FLRT2: variants seen among roughly 807,000 people sequenced by gnomAD.
FLRT2 encodes leucine-rich repeat transmembrane protein FLRT2.
A neutral mutation model predicts 40.0 loss-of-function variants in FLRT2; 15 were observed. That is an observed-to-expected ratio of 0.38 (90% CI 0.25 to 0.58). The LOEUF (loss-of-function observed/expected upper bound fraction) is 0.58, where lower values mean the gene tolerates loss of function less well. FLRT2 is among the 20% of genes least tolerant of loss of function. The pLI is 0.71. For missense variants in FLRT2, 726 were observed against 840.0 expected (o/e 0.86, Z 1.68); for synonymous variants, 380 against 336.8 (o/e 1.13, Z -1.41).
chr14:85,579,608 GTA>G (rs1891295996), intron 1 of FLRT2, among the ~76,000 whole-genome samples: 2 of 152,034 alleles, frequency 1.3e-5, no homozygotes, highest in Admixed American at 6.6e-5. Context: ...CCAATTTTCC[GTA>G]TCTATAAAAT....
intron 1 of FLRT2, among the ~76,000 whole-genome samples, chr14:85,572,335 T>C (rs927281087): frequency 6.6e-6 from 1 of 152,220 alleles, no homozygotes; most frequent in African/African-American, 2.4e-5. Context: ...TATACCACTT[T>C]GGGCTATTCA....
chr14:85,614,682 G>A (rs890820985), intron 1 of FLRT2, among the ~76,000 whole-genome samples: 1 of 151,430 alleles, frequency 6.6e-6, no homozygotes, highest in African/African-American at 2.5e-5. Context: ...CTGCAGGGGT[G>A]GGGCCCAGAA....
intron 1 of FLRT2, chr14:85,561,374 A>G (rs755167157): frequency 1.3e-5 from 2 of 152,216 alleles, no homozygotes; most frequent in Non-Finnish European, 2.9e-5. Context: ...CCCTGAGATT[A>G]TATCCGCTAG....
At chr14:85,544,300 T>G (rs561877294) in intron 1 of FLRT2, among the ~76,000 whole-genome samples, 1 of 152,302 alleles carries the variant, frequency 6.6e-6, no homozygotes, top group East Asian at 1.9e-4. Flanking sequence ...AGAATAATAA[T>G]TTCGCTTGAT....
At chr14:85,562,131 A>G (rs758817429) in intron 1 of FLRT2, among the ~76,000 whole-genome samples, 6 of 152,240 alleles carry the variant, frequency 3.9e-5, no homozygotes, top group Non-Finnish European at 8.8e-5. Context: ...CTTTAAAGCT[A>G]TGAGTAAAAC....
chr14:85,567,634 C>CTTTTTTTTTTT (rs1566732052), intron 1 of FLRT2, among the ~76,000 whole-genome samples: 1 of 126,108 alleles, frequency 7.9e-6, no homozygotes. Context: ...AAGTGACTTA[C>CTTTTTTTTTTT]ATTTTTTTTT....
In FLRT2 at chr14:85,634,009, G is replaced by A. The variant is rs1254057493; in HGVS notation, c.*10512G>A. ...TGCAATAGTCTACCACCTGTCATGT[G>A]GTTACTTTTTGCAATCGATATCATT... is the stretch of plus-strand genomic sequence containing the variant. On this transcript the variant is annotated 3_prime_UTR_variant, in exon 2 of 2. Coordinates refer to ENST00000330753, the MANE Select transcript of FLRT2 (RefSeq NM_013231.6). The A allele has an allele frequency of 6.6e-6, 1 of 152,038 alleles. No individual in the cohort carries two copies. Among genetic ancestry groups the A allele is most frequent in the Non-Finnish European group, 1.5e-5 (1 of 68,012 alleles). The allele number at this position is 152,038 out of a possible 1,614,324, so 9.4% of individuals were successfully genotyped here.
At chr14:85,617,653 G>A (rs1893193994) in intron 1 of FLRT2, among the ~76,000 whole-genome samples, 1 of 152,154 alleles carries the variant, frequency 6.6e-6, no homozygotes, top group Non-Finnish European at 1.5e-5. Flanking sequence ...TATGGCTTAG[G>A]TGGTTGTAAT....
At chr14:85,610,148 G>A (rs1892796369) in intron 1 of FLRT2, among the ~76,000 whole-genome samples, 1 of 151,894 alleles carries the variant, frequency 6.6e-6, no homozygotes, top group Admixed American at 6.6e-5. Context: ...CAAAGACCTT[G>A]TTTAGTCAAA....
intron 1 of FLRT2, among the ~76,000 whole-genome samples, chr14:85,600,317 G>C (rs565858646): frequency 6.6e-6 from 1 of 152,172 alleles, no homozygotes; most frequent in Admixed American, 6.5e-5. Flanking sequence ...GAAATGCAGG[G>C]CTAAATTTCT....
rs575285104 is a variant in FLRT2, at chr14:85,533,419, GC to G, written c.-377+2890del. 1.5e-4 allele frequency among the ~76,000 whole-genome samples: 23 copies of G among 152,036 alleles called. No homozygotes were observed. The East Asian group carries it at 4.4e-3, about 29-fold the overall frequency. ...AGCACTTGGAGCGAGCCCTGCGCCCGCCCCCGCGCAGCGCCGCACGCCCGGC... is the reference window on the plus strand; with the variant it reads ...AGCACTTGGAGCGAGCCCTGCGCCCGCCCCGCGCAGCGCCGCACGCCCGGC... On this transcript the variant is annotated intron_variant, in intron 1 of 1. Coordinates refer to ENST00000330753, the MANE Select transcript of FLRT2 (RefSeq NM_013231.6).
chr14:85,547,143 A>C (rs1889321021), intron 1 of FLRT2, among the ~76,000 whole-genome samples: 1 of 152,014 alleles, frequency 6.6e-6, no homozygotes, highest in South Asian at 2.1e-4. Context: ...TTAGAGGATC[A>C]AGTCTAAACT....
In FLRT2 at chr14:85,643,731, G is replaced by A. The variant is rs2030687970; in HGVS notation, c.*20234G>A. ...TTAAGGCATTTATTAATGCATTGAT[G>A]AGGACTCTCCTCTTTTAGATAGAGA... is the stretch of plus-strand genomic sequence containing the variant. On this transcript the variant is annotated 3_prime_UTR_variant, in exon 2 of 2. Coordinates refer to ENST00000330753, the MANE Select transcript of FLRT2 (RefSeq NM_013231.6). 6.6e-6 allele frequency: 1 copy of A among 152,108 alleles called. No individual in the cohort carries two copies. Among genetic ancestry groups the A allele is most frequent in the Admixed American group, 6.6e-5 (1 of 15,256 alleles). The allele number at this position is 152,108 out of a possible 1,614,324, so 9.4% of individuals were successfully genotyped here.
At chr14:85,566,073 G>T (rs538819606) in intron 1 of FLRT2, among the ~76,000 whole-genome samples, 1 of 152,218 alleles carries the variant, frequency 6.6e-6, no homozygotes, top group East Asian at 1.9e-4. Context: ...TCTAAGCCAT[G>T]CCAACAAGTA....
chr14:85,618,275 T>G (rs984994782), intron 1 of FLRT2, among the ~76,000 whole-genome samples: 2 of 152,334 alleles, frequency 1.3e-5, no homozygotes, highest in East Asian at 3.9e-4. Context: ...TCTTTTTACA[T>G]ATGAACTTAG....
In FLRT2 at chr14:85,622,199, C is replaced by T; in HGVS notation, c.685C>T (p.Leu229Phe). The T allele has an allele frequency of 6.2e-7, 1 of 1,614,126 alleles. No homozygotes were observed. The highest frequency in any genetic ancestry group is 8.5e-7 in the Non-Finnish European group (1 of 1,180,004). ...TATCGCCGAGGGCACCTTCAGCCAT[C>T]TCACCAAGCTCAAGGAATTTTCAAT... Reference protein sequence around the residue: ...KGIAEGTFSHLTKLKEFSIVR... With the variant: ...KGIAEGTFSHFTKLKEFSIVR... Residue 229 changes from leucine to phenylalanine, a missense_variant, in exon 2 of 2, where the codon CTC becomes TTC. Physicochemically the swap from Leu to Phe is conservative, Grantham distance 22. Transcript: ENST00000330753.
In FLRT2 at chr14:85,546,998, TTC is replaced by T. The variant is rs200691060; in HGVS notation, c.-377+16466_-377+16467del. ...CTAGTCTTAGGCACTTAAAACAAAT[TTC>T]TGTTTTGATTATCCTGGGGTCATTG... On this transcript the variant is annotated intron_variant, in intron 1 of 1. Coordinates refer to ENST00000330753, the MANE Select transcript of FLRT2 (RefSeq NM_013231.6). 4.2e-3 allele frequency among the ~76,000 whole-genome samples: 645 copies of T among 152,278 alleles called. 4 individuals are homozygous for T. Among genetic ancestry groups the T allele is most frequent in the African/African-American group, 0.015 (624 of 41,542 alleles).
Position 85,653,270 on chromosome 14 carries a change from G to A in FLRT2, c.*29773G>A, listed in dbSNP as rs1894476869. ...CCCTGCCCACAAAATAGCTTTGCTA[G>A]GGAACAGATGTAACTTGGAGAAGTA... is the stretch of plus-strand genomic sequence containing the variant. On this transcript the variant is annotated 3_prime_UTR_variant, in exon 2 of 2. Coordinates refer to ENST00000330753, the MANE Select transcript of FLRT2 (RefSeq NM_013231.6). 2 of 152,180 alleles carry A rather than the reference G, an allele frequency of 1.3e-5. No homozygotes were observed. The highest frequency in any genetic ancestry group is 4.1e-4 in the South Asian group (2 of 4,824). The allele number at this position is 152,180 out of a possible 1,614,324, so 9.4% of individuals were successfully genotyped here.
At chr14:85,594,687 T>A (rs541239928) in intron 1 of FLRT2, among the ~76,000 whole-genome samples, 1 of 152,260 alleles carries the variant, frequency 6.6e-6, no homozygotes, top group African/African-American at 2.4e-5. Context: ...CCTATTCAAT[T>A]TTCCTATAAT....
Sources: gnomAD v4.1 joint callset for allele counts (sites outside exome capture counted in the v4.1 genomes callset) on GRCh38, gnomAD v4.1.1 for gene constraint, MANE v1.5 for transcripts, NCBI Gene and HGNC (gene_info 2026-07-23, HGNC 2026-07-21) for gene names.